The following GRIN2B variants were observed in gnomAD, a reference collection of about 807,000 sequenced individuals.
GRIN2B encodes glutamate ionotropic receptor NMDA type subunit 2B.
A neutral mutation model predicts 114.5 loss-of-function variants in GRIN2B; 5 were observed. That is an observed-to-expected ratio of 0.04 (90% CI 0.02 to 0.09). The LOEUF (loss-of-function observed/expected upper bound fraction) is 0.09, where lower values mean the gene tolerates loss of function less well. GRIN2B is among the 10% of genes least tolerant of loss of function. The pLI is 1.00. For missense variants in GRIN2B, 1,108 were observed against 1,943.5 expected, an observed-to-expected ratio of 0.57 and a Z score of 8.08; for synonymous variants, 787 against 745.1, an observed-to-expected ratio of 1.06 and a Z score of -0.92.
At chr12:13,711,661 A>T (rs1950415924) in intron 4 of GRIN2B, among the ~76,000 whole-genome samples, 1 of 152,276 alleles carries the variant, frequency 6.6e-6, no homozygotes, top group Non-Finnish European at 1.5e-5. Context: ...GAGAAATGCA[A>T]ATCAAAACCA....
chr12:13,788,372 T>C (rs979688984), intron 3 of GRIN2B, among the ~76,000 whole-genome samples: 1 of 152,178 alleles, frequency 6.6e-6, no homozygotes, highest in African/African-American at 2.4e-5. Context: ...TTTCTCTCAT[T>C]TCTACTGATT....
chr12:13,796,585 C>T (rs1864422475), intron 3 of GRIN2B, among the ~76,000 whole-genome samples: 1 of 152,170 alleles, frequency 6.6e-6, no homozygotes, highest in African/African-American at 2.4e-5. Flanking sequence ...ATTAAACCAT[C>T]TTATAAAGGA....
rs1393010522 is a variant in GRIN2B, at chr12:13,537,737, A to G, written c.*25046T>C. On this transcript the variant is annotated 3_prime_UTR_variant, in exon 14 of 14. Coordinates refer to ENST00000609686, the MANE Select transcript of GRIN2B (RefSeq NM_000834.5). ...CAGCCACCCAGGACAATTGAATGAG[A>G]CTCTCTAGGGGATGAGACTCAGGCA... 2 of 152,042 alleles carry G rather than the reference A, an allele frequency of 1.3e-5. No homozygotes were observed. The highest frequency in any genetic ancestry group is 2.9e-5 in the Non-Finnish European group (2 of 68,054). The allele number at this position is 152,042 out of a possible 1,614,324, so 9.4% of individuals were successfully genotyped here.
chr12:13,970,476 C>T (rs945002932), intron 2 of GRIN2B, among the ~76,000 whole-genome samples: 8 of 152,042 alleles, frequency 5.3e-5, no homozygotes, highest in African/African-American at 1.7e-4. Context: ...CTTCAATGCA[C>T]GTTCATTTCC....
intron 2 of GRIN2B, among the ~76,000 whole-genome samples, chr12:13,890,213 A>G (rs1866235589): frequency 6.6e-6 from 1 of 151,772 alleles, no homozygotes; most frequent in African/African-American, 2.4e-5. Flanking sequence ...ATGTTTTGCC[A>G]CTCCTTACAA....
At chr12:13,782,709 T>C (rs566913044) in intron 3 of GRIN2B, among the ~76,000 whole-genome samples, 1 of 152,348 alleles carries the variant, frequency 6.6e-6, no homozygotes, top group African/African-American at 2.4e-5. Flanking sequence ...AAGCTGTCTT[T>C]CACTCAGGCG....
intron 10 of GRIN2B, among the ~76,000 whole-genome samples, chr12:13,583,613 GA>G (rs1948880630): frequency 6.6e-6 from 1 of 152,134 alleles, no homozygotes; most frequent in Non-Finnish European, 1.5e-5. Flanking sequence ...AGTTTAGAGG[GA>G]GTGAAAATCA....
At chr12:13,863,914 C>A (rs1307079984) in intron 3 of GRIN2B, among the ~76,000 whole-genome samples, 1 of 152,178 alleles carries the variant, frequency 6.6e-6, no homozygotes. Context: ...TCGCTCTTAA[C>A]CATATCAGAA....
intron 4 of GRIN2B, among the ~76,000 whole-genome samples, chr12:13,719,686 G>A (rs916703095): frequency 3.9e-5 from 6 of 152,014 alleles, no homozygotes; most frequent in African/African-American, 1.4e-4. Context: ...GCTACTTTTT[G>A]CATCTTTACA....
At chr12:13,821,756 A>G (rs145378629) in intron 3 of GRIN2B, among the ~76,000 whole-genome samples, 22 of 152,292 alleles carry the variant, frequency 1.4e-4, no homozygotes, top group African/African-American at 4.6e-4. Flanking sequence ...CACTATTCTC[A>G]AACAGCTTAC....
chr12:13,970,152 T>C (rs1867851266), intron 2 of GRIN2B, among the ~76,000 whole-genome samples: 1 of 152,156 alleles, frequency 6.6e-6, no homozygotes, highest in Non-Finnish European at 1.5e-5. Context: ...AAGCAAGACC[T>C]CATGGTGGAG....
intron 4 of GRIN2B, among the ~76,000 whole-genome samples, chr12:13,695,963 T>C (rs1950255784): frequency 6.6e-6 from 1 of 152,170 alleles, no homozygotes; most frequent in African/African-American, 2.4e-5. Flanking sequence ...AATTGCTCCC[T>C]GTGACTGCAG....
chr12:13,596,316 T>C (rs1949073152), intron 10 of GRIN2B, among the ~76,000 whole-genome samples: 1 of 152,192 alleles, frequency 6.6e-6, no homozygotes, highest in South Asian at 2.1e-4. Context: ...CTCAGAAAAC[T>C]GTGGTGCTAG....
intron 2 of GRIN2B, among the ~76,000 whole-genome samples, chr12:13,931,042 G>A (rs1345170045): frequency 6.6e-6 from 1 of 152,112 alleles, no homozygotes; most frequent in Non-Finnish European, 1.5e-5. Context: ...TGTTCTACGT[G>A]GGACAGATCA....
chr12:13,751,753 A>G (rs567601998), intron 4 of GRIN2B, among the ~76,000 whole-genome samples: 11 of 152,282 alleles, frequency 7.2e-5, no homozygotes, highest in African/African-American at 2.6e-4. Context: ...TTAGAGCTCA[A>G]GGGAGAGGTT....
In GRIN2B at chr12:13,549,154, A is replaced by G. The variant is rs1431831296; in HGVS notation, c.*13629T>C. 1 of 152,178 alleles carries G rather than the reference A, an allele frequency of 6.6e-6. No homozygotes were observed. Among genetic ancestry groups the G allele is most frequent in the African/African-American group, 2.4e-5 (1 of 41,448 alleles). The allele number at this position is 152,178 out of a possible 1,614,324, so 9.4% of individuals were successfully genotyped here. A position where few individuals can be genotyped will look rare whatever the true frequency, so the allele number is the denominator to read the frequency against. ...AAAGATGGATTATATCCTGAGCTTG[A>G]TATCATTCATAAGTGAACAGGTGGG... On this transcript the variant is annotated 3_prime_UTR_variant, in exon 14 of 14. Coordinates refer to ENST00000609686, the MANE Select transcript of GRIN2B (RefSeq NM_000834.5).
At chr12:13,596,213 T>G (rs2136448569) in intron 10 of GRIN2B, among the ~76,000 whole-genome samples, 1 of 152,298 alleles carries the variant, frequency 6.6e-6, no homozygotes, top group South Asian at 2.1e-4. Context: ...TCAACATCTC[T>G]TTTGTACCCA....
chr12:13,982,072 TAA>T (rs1351477983), upstream of GRIN2B: 1 of 137,124 alleles, frequency 7.3e-6, no homozygotes, highest in Admixed American at 7.2e-5. Context: ...CTCCTCTTGC[TAA>T]GACTCTGGCG....
At chr12:13,635,499 C>T (rs916042495) in intron 5 of GRIN2B, among the ~76,000 whole-genome samples, 1 of 152,156 alleles carries the variant, frequency 6.6e-6, no homozygotes, top group Non-Finnish European at 1.5e-5. Flanking sequence ...GACTACAACC[C>T]CCTGCTGCTT....
Sources: gnomAD v4.1 joint callset for allele counts (sites outside exome capture counted in the v4.1 genomes callset) on GRCh38, gnomAD v4.1.1 for gene constraint, MANE v1.5 for transcripts, NCBI Gene and HGNC (gene_info 2026-07-23, HGNC 2026-07-21) for gene names.